MOCOS: variants seen among roughly 807,000 people sequenced by gnomAD.
MOCOS encodes molybdenum cofactor sulfurase.
MOCOS carries 86 observed loss-of-function variants against 83.6 expected under a neutral mutation model. The observed-to-expected ratio is 1.03, with a 90% CI of 0.86 to 1.23. MOCOS has a LOEUF of 1.23. Among genes scored for constraint, MOCOS ranks in the 50% most tolerant of loss-of-function variants. The probability of loss-of-function intolerance (pLI) is 0.00; values close to 1 mark genes in which losing one functional copy is unlikely to be tolerated. For synonymous variants in MOCOS, 445 were observed against 434.7 expected (o/e 1.02, Z -0.29); for missense variants, 1,120 against 1,126.9 (o/e 0.99, Z 0.09).
intron 9 of MOCOS, among the ~76,000 whole-genome samples, chr18:36,228,302 C>T (rs2091525224): frequency 6.6e-6 from 1 of 152,086 alleles, no homozygotes; most frequent in Non-Finnish European, 1.5e-5. Context: ...ACAGAAATAC[C>T]ATTTGACCCA....
At chr18:36,215,070 C>T (rs903080601) in intron 7 of MOCOS, among the ~76,000 whole-genome samples, 2 of 152,186 alleles carry the variant, frequency 1.3e-5, no homozygotes, top group African/African-American at 4.8e-5. Flanking sequence ...TGTCAAGGGG[C>T]AGCTCTCAGG....
chr18:36,208,460 G>T (rs1248118058), intron 6 of MOCOS, among the ~76,000 whole-genome samples: 3 of 152,006 alleles, frequency 2.0e-5, no homozygotes, highest in Non-Finnish European at 2.9e-5. Flanking sequence ...TGTTTGTGTG[G>T]TGTGTGATTT....
intron 5 of MOCOS, among the ~76,000 whole-genome samples, 172 bp from the exon 6 acceptor site, chr18:36,204,905 A>T (rs1278057180): frequency 6.9e-6 from 1 of 145,322 alleles, no homozygotes; most frequent in Admixed American, 7.2e-5. Flanking sequence ...AGGTGAGAGG[A>T]TCACCTGAGC....
At chr18:36,213,509 C>A (rs373810351) in intron 7 of MOCOS, 27 bp downstream of exon 7, 12 of 1,581,016 alleles carry the variant, frequency 7.6e-6, no homozygotes, top group Non-Finnish European at 9.6e-6. Flanking sequence ...GCGATCCAGA[C>A]GCTGGTCAGC....
rs546968786 is a variant in MOCOS at position 36,191,355 on chromosome 18, C to T, written c.142+3674C>T. On this transcript the variant is annotated intron_variant, in intron 1 of 14. Transcript: ENST00000261326. The stretch of plus-strand genomic sequence containing the variant: ...GAATCACCAGGGAGCCTCCCTCTCA[C>T]GCCAGCTGCAGCCACTGTGTCTACC... Among the ~76,000 whole-genome samples the T allele has an allele frequency of 5.9e-5, 9 of 152,320 alleles. No individual in the cohort carries two copies. In the South Asian group the frequency reaches 1.2e-3, roughly 21 times the overall value.
chr18:36,247,420 GT>G (rs1349077269), intron 9 of MOCOS, among the ~76,000 whole-genome samples: 2 of 152,206 alleles, frequency 1.3e-5, no homozygotes, highest in Non-Finnish European at 2.9e-5. Context: ...TTTGTGCTCA[GT>G]TAAAATCATT....
Position 36,200,150 on chromosome 18 carries a change from A to C in MOCOS, c.767A>C (p.Asp256Ala). 1 of 1,614,176 alleles carries C rather than the reference A, an allele frequency of 6.2e-7. No homozygotes were observed. The highest frequency in any genetic ancestry group is 8.5e-7 in the Non-Finnish European group (1 of 1,180,034). ...SPLDLSAHQADFVPISFYKIF... is the reference protein window; with the variant it reads ...SPLDLSAHQAAFVPISFYKIF... ...TTGGACCTGTCAGCTCACCAGGCCGACTTTGTCCCCATCTCCTTCTATAAG... is the reference window on the plus strand; with the variant it reads ...TTGGACCTGTCAGCTCACCAGGCCGCCTTTGTCCCCATCTCCTTCTATAAG... Residue 256 changes from aspartate (D) to alanine (A), a missense_variant, in exon 4 of 15, where the codon GAC becomes GCC. Physicochemically the swap from Asp to Ala is moderately radical, Grantham distance 126. Coordinates refer to ENST00000261326, the MANE Select transcript of MOCOS (RefSeq NM_017947.4).
At chr18:36,228,969 A>G (rs755401886) in intron 9 of MOCOS, among the ~76,000 whole-genome samples, 166 of 152,166 alleles carry the variant, frequency 1.1e-3, no homozygotes, top group Middle Eastern at 6.8e-3. Context: ...TGGACTGCAT[A>G]TATTTTAACC....
Position 36,260,041 on chromosome 18 carries a change from G to A in MOCOS, c.2275G>A (p.Glu759Lys). ...ELHRQLNTSD[E>K]NGKEELFSLK... ...CTTTTTGGTTGCTTTAATCAGTGATGAGAATGGAAAGGAGGAATTATTCTC... is the reference window on the plus strand; with the variant it reads ...CTTTTTGGTTGCTTTAATCAGTGATAAGAATGGAAAGGAGGAATTATTCTC... The change falls in exon 13 of 15, where the codon GAG (glutamate) becomes AAG (lysine). Residue 759 changes from glutamate to lysine, a missense_variant. Physicochemically the swap from Glu to Lys is moderately conservative, Grantham distance 56. Coordinates refer to ENST00000261326, the MANE Select transcript of MOCOS (RefSeq NM_017947.4). 2 of 1,614,178 alleles carry A rather than the reference G, an allele frequency of 1.2e-6. No homozygotes were observed. The highest frequency in any genetic ancestry group is 1.3e-5 in the African/African-American group (1 of 75,046).
rs944015467 is a variant in MOCOS, at chr18:36,269,637, C to G, written c.*952C>G. 21 of 152,314 alleles carry G rather than the reference C, an allele frequency of 1.4e-4. No individual in the cohort carries two copies. The highest frequency in any genetic ancestry group is 5.1e-4 in the African/African-American group (21 of 41,452). 9.4% of individuals were successfully genotyped at this position (152,314 alleles called of 1,614,324 possible). On this transcript the variant is annotated 3_prime_UTR_variant, in exon 15 of 15. Coordinates refer to ENST00000261326, the MANE Select transcript of MOCOS (RefSeq NM_017947.4). Reference sequence around the variant, plus strand: ...GCCTTATCTGCTTCTGCATGACTTCCAGCCTGGGGTCTTACCCTGTCCTCT... The same window carrying G: ...GCCTTATCTGCTTCTGCATGACTTCGAGCCTGGGGTCTTACCCTGTCCTCT...
chr18:36,197,625 C>T (rs1410798894), intron 2 of MOCOS, among the ~76,000 whole-genome samples: 1 of 152,036 alleles, frequency 6.6e-6, no homozygotes, highest in African/African-American at 2.4e-5. Context: ...TTTAAAAAAT[C>T]AGCCAGGTGT....
At position 36,198,739 on chromosome 18, in the gene MOCOS, G is replaced by A. The variant is rs1296317932; in HGVS notation, c.282G>A (p.Val94=). The change falls in exon 3 of 15, where the codon GTG becomes GTA. Residue 94 remains valine (V), a synonymous_variant. Coordinates refer to ENST00000261326, the MANE Select transcript of MOCOS (RefSeq NM_017947.4). The stretch of plus-strand genomic sequence containing the variant: ...GCAGCAAGCTCACCCATGACACTGT[G>A]GAGCAGGTGCGCTACAGGTAAGCAT... ...NISSKLTHDT[V]EQVRYRILAH... The A allele has an allele frequency of 1.2e-6, 2 of 1,614,176 alleles. No homozygotes were observed. Among genetic ancestry groups the A allele is most frequent in the Non-Finnish European group, 1.7e-6 (2 of 1,180,016 alleles).
intron 9 of MOCOS, among the ~76,000 whole-genome samples, chr18:36,221,596 C>T (rs71366389): frequency 0.014 from 2,024 of 139,592 alleles, 28 homozygotes; most frequent in Middle Eastern, 0.025. Context: ...TGTTTCTTGG[C>T]TGTAAGTGTT....
intron 9 of MOCOS, among the ~76,000 whole-genome samples, chr18:36,226,227 T>A (rs978701283): frequency 6.6e-6 from 1 of 152,184 alleles, no homozygotes; most frequent in Admixed American, 6.5e-5. Flanking sequence ...TATTTATAAT[T>A]GTTATATACT....
intron 11 of MOCOS, among the ~76,000 whole-genome samples, chr18:36,256,656 G>A (rs1193260138): frequency 1.3e-5 from 2 of 151,930 alleles, no homozygotes; most frequent in Non-Finnish European, 2.9e-5. Flanking sequence ...CACCATGTTG[G>A]TCAGGCTGGT....
In MOCOS at chr18:36,257,009, G is replaced by A. The variant is rs1245771750; in HGVS notation, c.2206G>A (p.Glu736Lys). The A allele has an allele frequency of 6.2e-7, 1 of 1,614,182 alleles. No individual in the cohort carries two copies. The highest frequency in any genetic ancestry group is 2.2e-5 in the East Asian group (1 of 44,876). The change falls in exon 12 of 15, where the codon GAG (glutamate) becomes AAG (lysine). Residue 736 changes from glutamate to lysine, a missense_variant. Transcript: ENST00000261326. ...GTMATLSLVNEAQYLLINTSS... is the reference protein window; with the variant it reads ...GTMATLSLVNKAQYLLINTSS... ...AATGGCCACCCTTTCTCTGGTGAAT[G>A]AGGCACAGTATCTGCTGATCAACAC...
At position 36,203,092 on chromosome 18, in the gene MOCOS, C is replaced by A. The variant is rs749264338; in HGVS notation, c.942-21C>A. 22 of 1,609,718 alleles carry A rather than the reference C, an allele frequency of 1.4e-5. No individual in the cohort carries two copies. In the South Asian group the frequency reaches 2.3e-4, roughly 17 times the overall value. ...TGTTTTGACCACAGCTTGACCTGTT[C>A]TCCTTACCCCGTGGTTATAGGTTTG... On this transcript the variant is annotated intron_variant, in intron 4 of 14. Coordinates refer to ENST00000261326, the MANE Select transcript of MOCOS (RefSeq NM_017947.4).
chr18:36,267,242 A>G (rs1445164488), intron 14 of MOCOS, among the ~76,000 whole-genome samples: 7 of 152,226 alleles, frequency 4.6e-5, no homozygotes, highest in Non-Finnish European at 1.0e-4. Flanking sequence ...CTGGAAATAC[A>G]TTCATTAAGC....
At chr18:36,211,978 G>A (rs1050708693) in intron 6 of MOCOS, among the ~76,000 whole-genome samples, 3 of 152,156 alleles carry the variant, frequency 2.0e-5, no homozygotes, top group African/African-American at 4.8e-5. Flanking sequence ...CTACTGTCTC[G>A]AGCCCTGAGG....
Sources: gnomAD v4.1 joint callset for allele counts (sites outside exome capture counted in the v4.1 genomes callset) on GRCh38, gnomAD v4.1.1 for gene constraint, MANE v1.5 for transcripts, NCBI Gene and HGNC (gene_info 2026-07-23, HGNC 2026-07-21) for gene names.